RNF220: variants seen among roughly 807,000 people sequenced by gnomAD.
RNF220 encodes ring finger protein 220.
A neutral mutation model predicts 67.1 loss-of-function variants in RNF220; 7 were observed. The ratio of observed to expected loss-of-function variants is 0.10; its 90% confidence interval spans 0.06 to 0.20. The LOEUF (loss-of-function observed/expected upper bound fraction) is 0.20, where lower values mean the gene tolerates loss of function less well. RNF220 is among the 10% of genes least tolerant of loss of function. RNF220 has a pLI of 1.00. For missense variants in RNF220, 565 were observed against 740.3 expected (o/e 0.76, Z 2.75); for synonymous variants, 270 against 283.2 (o/e 0.95, Z 0.47).
chr1:44,412,605 C>T lies in RNF220; in HGVS notation c.508C>T (p.Pro170Ser). 4 of 1,614,202 alleles carry T rather than the reference C, an allele frequency of 2.5e-6. No homozygotes were observed. The highest frequency in any genetic ancestry group is 2.5e-6 in the Non-Finnish European group (3 of 1,180,028). ...GGAATATGACTTTGGGACACAGCTG[C>T]CATCTAGCTCCCCCGGTTCACTAAA... ...GKEYDFGTQLPSSSPGSLKVD... is the reference protein window; with the variant it reads ...GKEYDFGTQLSSSSPGSLKVD... The change falls in exon 2 of 15, where the codon CCA (proline) becomes TCA (serine). Residue 170 changes from proline to serine, a missense_variant. Coordinates refer to ENST00000361799, the MANE Select transcript of RNF220 (RefSeq NM_018150.4). The surrounding 1 kb of genome is among the most constrained non-coding windows in gnomAD (Gnocchi z 5.3).
chr1:44,505,446 T>C (rs1198065545), intron 2 of RNF220, among the ~76,000 whole-genome samples: 1 of 152,240 alleles, frequency 6.6e-6, no homozygotes, highest in Non-Finnish European at 1.5e-5. Flanking sequence ...CCACCAGGCC[T>C]CTGGACAGGT....
intron 2 of RNF220, among the ~76,000 whole-genome samples, chr1:44,473,105 G>A (rs76871522): frequency 0.014 from 2,203 of 152,260 alleles, 63 homozygotes; most frequent in African/African-American, 0.049. Context: ...GGAGGCAGGT[G>A]GGCAGAGGAA....
chr1:44,588,735 G>A (rs560414782), intron 2 of RNF220, among the ~76,000 whole-genome samples: 6 of 152,198 alleles, frequency 3.9e-5, no homozygotes, highest in Admixed American at 3.9e-4. Context: ...TGGAGCTTAG[G>A]GCTGGCTATG....
At chr1:44,633,558 A>G (rs2148477834) in intron 6 of RNF220, among the ~76,000 whole-genome samples, 1 of 152,324 alleles carries the variant, frequency 6.6e-6, no homozygotes, top group East Asian at 1.9e-4. Context: ...TTGCAGATGA[A>G]GCCCAGTCCA....
intron 2 of RNF220, among the ~76,000 whole-genome samples, chr1:44,460,043 G>A (rs1421604053): frequency 6.6e-6 from 1 of 152,196 alleles, no homozygotes; most frequent in Non-Finnish European, 1.5e-5. Context: ...GGGACGGCCA[G>A]TAAAGGGTGA....
chr1:44,484,217 G>C (rs1656080885), intron 2 of RNF220, among the ~76,000 whole-genome samples: 1 of 152,102 alleles, frequency 6.6e-6, no homozygotes, highest in South Asian at 2.1e-4. Flanking sequence ...TAGGGTTCAG[G>C]ATCCCCCTGC....
chr1:44,537,170 T>TACAC (rs148666302), intron 2 of RNF220, among the ~76,000 whole-genome samples: 1 of 151,616 alleles, frequency 6.6e-6, no homozygotes, highest in Non-Finnish European at 1.5e-5. Flanking sequence ...ACCCCCTGCA[T>TACAC]ACACACACAC....
chr1:44,518,381 C>A (rs1272828373), intron 2 of RNF220, among the ~76,000 whole-genome samples: 2 of 152,048 alleles, frequency 1.3e-5, no homozygotes, highest in Non-Finnish European at 2.9e-5. Flanking sequence ...GCTATGATCA[C>A]CCCACTGCAC....
At chr1:44,534,226 C>T (rs183716113) in intron 2 of RNF220, among the ~76,000 whole-genome samples, 267 of 152,110 alleles carry the variant, frequency 1.8e-3, no homozygotes, top group African/African-American at 6.1e-3. Context: ...GCAATCCTCC[C>T]GCCTCAGCCT....
intron 1 of RNF220, among the ~76,000 whole-genome samples, chr1:44,406,338 T>G (rs77106564): frequency 0.079 from 12,014 of 152,222 alleles, 538 homozygotes; most frequent in Middle Eastern, 0.13. Context: ...TCCCCACTCC[T>G]CTGGGCTGGA....
chr1:44,573,161 C>G (rs551953357), intron 2 of RNF220, among the ~76,000 whole-genome samples: 87 of 152,060 alleles, frequency 5.7e-4, no homozygotes, highest in African/African-American at 2.1e-3. Flanking sequence ...ATGCCTAAAA[C>G]CCTAAAACGT....
At position 44,650,653 on chromosome 1, in the gene RNF220, C is replaced by G. The variant is rs775375857; in HGVS notation, c.1630-51C>G. ...GGCTGCAGGCCCAGGTGCTCACATGCGCACACATGGCTCATTGTGTAGACC... is the reference window on the plus strand; with the variant it reads ...GGCTGCAGGCCCAGGTGCTCACATGGGCACACATGGCTCATTGTGTAGACC... On this transcript the variant is annotated intron_variant, in intron 14 of 14. Transcript: ENST00000361799. The surrounding 1 kb of genome is among the most constrained non-coding windows in gnomAD (Gnocchi z 4.3). The G allele has an allele frequency of 6.4e-7, 1 of 1,570,718 alleles. No individual in the cohort carries two copies. Among genetic ancestry groups the G allele is most frequent in the South Asian group, 1.1e-5 (1 of 90,222 alleles).
intron 2 of RNF220, among the ~76,000 whole-genome samples, chr1:44,459,517 A>G (rs902162309): frequency 2.0e-5 from 3 of 151,768 alleles, no homozygotes; most frequent in African/African-American, 2.4e-5. Flanking sequence ...AAAAATGTCC[A>G]AAAAGTAGTC....
At chr1:44,517,216 C>A (rs925888156) in intron 2 of RNF220, among the ~76,000 whole-genome samples, 8 of 152,160 alleles carry the variant, frequency 5.3e-5, no homozygotes, top group Non-Finnish European at 7.3e-5. Flanking sequence ...GCCTCTCCAC[C>A]TGGCAGCTAA....
intron 2 of RNF220, among the ~76,000 whole-genome samples, chr1:44,497,726 C>T (rs938319295): frequency 2.0e-5 from 3 of 152,208 alleles, no homozygotes; most frequent in African/African-American, 4.8e-5. Flanking sequence ...CTCCATTCCC[C>T]CAAGTTCAAC....
At chr1:44,452,908 A>C (rs1652834640) in intron 2 of RNF220, among the ~76,000 whole-genome samples, 5 of 152,324 alleles carry the variant, frequency 3.3e-5, no homozygotes, top group Admixed American at 3.3e-4. Context: ...TCTTATAAGT[A>C]TTTTGATCAG....
chr1:44,409,504 G>C (rs1476564377), intron 1 of RNF220, among the ~76,000 whole-genome samples: 7 of 152,072 alleles, frequency 4.6e-5, no homozygotes, highest in African/African-American at 1.4e-4. Context: ...ACTTCCTATT[G>C]ATCCCTTTGC....
At chr1:44,464,910 C>T (rs1020858932) in intron 2 of RNF220, among the ~76,000 whole-genome samples, 5 of 152,310 alleles carry the variant, frequency 3.3e-5, no homozygotes, top group African/African-American at 7.2e-5. Context: ...TCATCAGCAT[C>T]CACATCATCA....
chr1:44,635,714 G>T (rs145475460), intron 7 of RNF220, 126 bp downstream of exon 7: 2 of 1,525,296 alleles, frequency 1.3e-6, no homozygotes, highest in East Asian at 2.4e-5. Flanking sequence ...CCCTTCCCCC[G>T]ACACTAGCTG....
Sources: allele counts gnomAD v4.1 joint callset (sites outside exome capture counted in the v4.1 genomes callset), GRCh38; gene constraint gnomAD v4.1.1; non-coding constraint Gnocchi (gnomAD v3.1); transcripts MANE v1.5; gene names NCBI Gene and HGNC (gene_info 2026-07-23, HGNC 2026-07-21).